Variants in AASDHPPT observed in about 807,000 individuals in gnomAD.
The protein encoded by AASDHPPT is aminoadipate-semialdehyde dehydrogenase-phosphopantetheinyl transferase.
AASDHPPT carries 23 observed loss-of-function variants against 36.4 expected under a neutral mutation model. The ratio of observed to expected loss-of-function variants is 0.63; its 90% confidence interval spans 0.45 to 0.89. The LOEUF (loss-of-function observed/expected upper bound fraction) is 0.89, where lower values mean the gene tolerates loss of function less well. AASDHPPT is among the 40% of genes least tolerant of loss of function. The pLI is 0.00. For synonymous variants in AASDHPPT, 115 were observed against 128.0 expected, an observed-to-expected ratio of 0.90 and a Z score of 0.68; for missense variants, 377 against 378.2, an observed-to-expected ratio of 1.00 and a Z score of 0.03.
chr11:106,081,659 T>C (rs571368139), intron 2 of AASDHPPT, among the ~76,000 whole-genome samples: 1 of 152,266 alleles, frequency 6.6e-6, no homozygotes, highest in East Asian at 1.9e-4. Context: ...TGGTATCTGC[T>C]TGGAAATGAT....
chr11:106,091,385 G>A lies in AASDHPPT; in HGVS notation c.601G>A (p.Asp201Asn). The A allele has an allele frequency of 6.2e-7, 1 of 1,608,628 alleles. No individual in the cohort carries two copies. The highest frequency in any genetic ancestry group is 8.5e-7 in the Non-Finnish European group (1 of 1,177,700). ...ATTTGAATTGCAGCGGCTTGAATTT[G>A]ATCTATCTCCATTAAACTTGGATAT... ...LGFELQRLEF[D>N]LSPLNLDIGQ... Residue 201 changes from aspartate (D) to asparagine (N), a missense_variant, in exon 4 of 6, where the codon GAT becomes AAT. Transcript: ENST00000278618.
At chr11:106,093,047 T>A (rs1377914300) in intron 4 of AASDHPPT, 1 of 152,128 alleles carries the variant, frequency 6.6e-6, no homozygotes, top group Admixed American at 6.6e-5. Flanking sequence ...AGGGGACTGA[T>A]AAAGAATGAC....
chr11:106,095,506 G>A (rs1861303987), intron 5 of AASDHPPT, among the ~76,000 whole-genome samples: 1 of 152,106 alleles, frequency 6.6e-6, no homozygotes, highest in Non-Finnish European at 1.5e-5. Flanking sequence ...AAGCAAGTGG[G>A]GGAAGAACTT....
rs1861323472 is a variant in AASDHPPT, at chr11:106,097,110, G to A, written c.*203G>A. ...TGTTTACCTCTTTCTTTCCTAAATT[G>A]CATTGAATTGATAGGAAGGATGGCG... On this transcript the variant is annotated 3_prime_UTR_variant, in exon 6 of 6. Transcript: ENST00000278618. The A allele has an allele frequency of 4.3e-6, 2 of 461,038 alleles. No individual in the cohort carries two copies. Among genetic ancestry groups the A allele is most frequent in the Non-Finnish European group, 7.4e-6 (2 of 270,774 alleles). The allele number at this position is 461,038 out of a possible 1,614,324, so 28.6% of individuals were successfully genotyped here.
chr11:106,095,643 A>G (rs777999837), intron 5 of AASDHPPT: 3 of 152,254 alleles, frequency 2.0e-5, no homozygotes, highest in Non-Finnish European at 4.4e-5. Context: ...GAAAGAATGT[A>G]GCATGATCAA....
At chr11:106,082,555 G>T (rs1245363060) in intron 2 of AASDHPPT, among the ~76,000 whole-genome samples, 1 of 152,134 alleles carries the variant, frequency 6.6e-6, no homozygotes, top group African/African-American at 2.4e-5. Context: ...CCATTACTCT[G>T]TCTTGTCCTA....
At chr11:106,093,507 A>G (rs1565412529) in intron 4 of AASDHPPT, 4 of 152,168 alleles carry the variant, frequency 2.6e-5, no homozygotes, top group Non-Finnish European at 5.9e-5. Flanking sequence ...ATCTTCTGAT[A>G]CTTAGTCTTA....
At chr11:106,083,541 T>C (rs1861165915) in intron 2 of AASDHPPT, among the ~76,000 whole-genome samples, 1 of 152,182 alleles carries the variant, frequency 6.6e-6, no homozygotes, top group Admixed American at 6.5e-5. Flanking sequence ...ATATGAAAAA[T>C]ATAGTAAGGG....
At chr11:106,078,283 C>T (rs1861087468) in intron 1 of AASDHPPT, among the ~76,000 whole-genome samples, 1 of 151,938 alleles carries the variant, frequency 6.6e-6, no homozygotes, top group South Asian at 2.1e-4. Context: ...GCTTATTCTG[C>T]CTGTTAAATA....
chr11:106,084,025 A>G (rs1046949498), intron 2 of AASDHPPT, among the ~76,000 whole-genome samples: 3 of 152,206 alleles, frequency 2.0e-5, no homozygotes, highest in African/African-American at 7.2e-5. Context: ...AAGAGCTTCT[A>G]TGAAGTGATT....
Position 106,096,788 on chromosome 11 carries a change from A to C in AASDHPPT, c.811A>C (p.Ile271Leu), listed in dbSNP as rs761532267. 3.7e-6 allele frequency: 6 copies of C among 1,608,848 alleles called. No homozygotes were observed. Among genetic ancestry groups the C allele is most frequent in the Non-Finnish European group, 4.2e-6 (5 of 1,178,104 alleles). ...CAAACCAACCCAGAGGCAATTTACT[A>C]TTCTCAACTTTAATGATTTAATGTC... ...DSKPTQRQFT[I>L]LNFNDLMSSA... Residue 271 changes from isoleucine to leucine, a missense_variant, in exon 6 of 6, where the codon ATT becomes CTT. Ile to Leu is a conservative substitution (Grantham distance 5). Transcript: ENST00000278618.
chr11:106,081,747 A>G (rs1861143466), intron 2 of AASDHPPT, among the ~76,000 whole-genome samples: 1 of 152,116 alleles, frequency 6.6e-6, no homozygotes, highest in South Asian at 2.1e-4. Context: ...TAAACAAGTA[A>G]TTAATAACTG....
intron 2 of AASDHPPT, among the ~76,000 whole-genome samples, chr11:106,080,913 C>T (rs1861131715): frequency 6.6e-6 from 1 of 152,164 alleles, no homozygotes; most frequent in African/African-American, 2.4e-5. Flanking sequence ...GCTTTGTGAG[C>T]CTTCAATCTA....
At position 106,082,839 on chromosome 11, in the gene AASDHPPT, C is replaced by G. The variant is rs984787294; in HGVS notation, c.409+3147C>G. Among the ~76,000 whole-genome samples, 18 of 152,026 alleles carry G rather than the reference C, an allele frequency of 1.2e-4. No homozygotes were observed. In the East Asian group the frequency reaches 3.5e-3, roughly 29 times the overall value. ...TTTTCCCTTTGTTTTCTAATTTTTTCTACCATTAAAAGTGTTTGAAGTGAT... is the reference window on the plus strand; with the variant it reads ...TTTTCCCTTTGTTTTCTAATTTTTTGTACCATTAAAAGTGTTTGAAGTGAT... On this transcript the variant is annotated intron_variant, in intron 2 of 5. Coordinates refer to ENST00000278618, the MANE Select transcript of AASDHPPT (RefSeq NM_015423.3).
intron 3 of AASDHPPT, 65 bp downstream of exon 3, chr11:106,090,743 A>G: frequency 6.5e-7 from 1 of 1,541,168 alleles, no homozygotes; most frequent in Non-Finnish European, 8.7e-7. Context: ...ACTTAAAATC[A>G]GAGTCCTTGG....
chr11:106,078,718 T>G (rs866775623), intron 1 of AASDHPPT, among the ~76,000 whole-genome samples: 2 of 152,198 alleles, frequency 1.3e-5, no homozygotes, highest in South Asian at 4.1e-4. Flanking sequence ...AAGCCTGCAG[T>G]TTTTAAAAGT....
intron 5 of AASDHPPT, among the ~76,000 whole-genome samples, chr11:106,095,556 G>A (rs1220984874): frequency 2.6e-5 from 4 of 152,152 alleles, no homozygotes; most frequent in African/African-American, 7.2e-5. Flanking sequence ...TTGTGATTCT[G>A]CAGAAGTATT....
chr11:106,098,023 A>T lies in AASDHPPT; in HGVS notation c.*1116A>T, dbSNP rs1230895020. The T allele has an allele frequency of 1.3e-5, 2 of 152,112 alleles. No homozygotes were observed. The highest frequency in any genetic ancestry group is 2.9e-5 in the Non-Finnish European group (2 of 67,988). 9.4% of individuals were successfully genotyped at this position (152,112 alleles called of 1,614,324 possible). On this transcript the variant is annotated 3_prime_UTR_variant, in exon 6 of 6. Coordinates refer to ENST00000278618, the MANE Select transcript of AASDHPPT (RefSeq NM_015423.3). Reference sequence around the variant, plus strand: ...TGAGAAAGTTTCTAAAAGTGGAATGATTGGTTTGACTGGTTCATAGGGCTT... The same window carrying T: ...TGAGAAAGTTTCTAAAAGTGGAATGTTTGGTTTGACTGGTTCATAGGGCTT...
At chr11:106,095,558 A>G (rs1861304453) in intron 5 of AASDHPPT, among the ~76,000 whole-genome samples, 1 of 152,216 alleles carries the variant, frequency 6.6e-6, no homozygotes, top group Non-Finnish European at 1.5e-5. Context: ...GTGATTCTGC[A>G]GAAGTATTTA....
Sources: allele counts gnomAD v4.1 joint callset (sites outside exome capture counted in the v4.1 genomes callset), GRCh38; gene constraint gnomAD v4.1.1; transcripts MANE v1.5; gene names NCBI Gene and HGNC (gene_info 2026-07-23, HGNC 2026-07-21).